SPAG16: variants seen among roughly 807,000 people sequenced by gnomAD.
The protein encoded by SPAG16 is sperm-associated antigen 16 protein.
In SPAG16, 86 loss-of-function variants were observed where a neutral mutation model predicts 80.4. The ratio of observed to expected loss-of-function variants is 1.07; its 90% CI spans 0.90 to 1.28. The LOEUF (loss-of-function observed/expected upper bound fraction) is 1.28, where lower values mean the gene tolerates loss of function less well. Ranked by LOEUF, SPAG16 falls within the 50% of genes most tolerant of loss-of-function variation. SPAG16 has a pLI of 0.00. For synonymous variants in SPAG16, 294 were observed against 265.9 expected (o/e 1.11, Z -1.03); for missense variants, 870 against 765.3 (o/e 1.14, Z -1.61).
chr2:213,606,521 T>A (rs2061266933), intron 10 of SPAG16, among the ~76,000 whole-genome samples: 1 of 152,218 alleles, frequency 6.6e-6, no homozygotes, highest in Non-Finnish European at 1.5e-5. Context: ...TACATATGCT[T>A]CTCTGACATT....
chr2:213,417,216 A>G (rs1439438829), intron 9 of SPAG16, among the ~76,000 whole-genome samples: 1 of 151,120 alleles, frequency 6.6e-6, no homozygotes, highest in South Asian at 2.1e-4. Flanking sequence ...ACACACACAC[A>G]CACACAATAC....
At chr2:214,127,347 C>T (rs2054543513) in intron 14 of SPAG16, among the ~76,000 whole-genome samples, 1 of 151,706 alleles carries the variant, frequency 6.6e-6, no homozygotes, top group African/African-American at 2.4e-5. Flanking sequence ...TGTTCAGTTT[C>T]TTATGTAAAT....
At chr2:213,472,001 A>G (rs1013784471) in intron 9 of SPAG16, among the ~76,000 whole-genome samples, 3 of 152,328 alleles carry the variant, frequency 2.0e-5, no homozygotes, top group South Asian at 2.1e-4. Flanking sequence ...ATCTTCTGGC[A>G]TGCAAATATA....
intron 11 of SPAG16, among the ~76,000 whole-genome samples, chr2:213,868,573 T>G (rs1387179515): frequency 6.6e-6 from 1 of 152,350 alleles, no homozygotes; most frequent in Non-Finnish European, 1.5e-5. Flanking sequence ...AGTAACATAA[T>G]TTTGAATGTA....
intron 15 of SPAG16, among the ~76,000 whole-genome samples, chr2:214,222,392 C>T (rs895169278): frequency 1.3e-5 from 2 of 152,150 alleles, no homozygotes; most frequent in African/African-American, 2.4e-5. Flanking sequence ...GCTGAGATTA[C>T]AGGCGTGAGC....
At chr2:213,409,179 T>A (rs1367016622) in intron 9 of SPAG16, among the ~76,000 whole-genome samples, 1 of 151,636 alleles carries the variant, frequency 6.6e-6, no homozygotes, top group African/African-American at 2.4e-5. Context: ...CGAAAAAATA[T>A]CTCTGAAAGT....
At chr2:214,023,193 A>G (rs2047966528) in intron 13 of SPAG16, among the ~76,000 whole-genome samples, 1 of 151,912 alleles carries the variant, frequency 6.6e-6, no homozygotes, top group African/African-American at 2.4e-5. Context: ...TTTTCCAAGT[A>G]ACTTCTCTCA....
chr2:213,784,762 T>C (rs1041067190), intron 10 of SPAG16, among the ~76,000 whole-genome samples: 3 of 151,794 alleles, frequency 2.0e-5, no homozygotes, highest in Non-Finnish European at 4.4e-5. Flanking sequence ...ACACCTCCAT[T>C]GTACTGGAAA....
intron 15 of SPAG16, among the ~76,000 whole-genome samples, chr2:214,379,355 G>T (rs1240797454): frequency 6.6e-6 from 1 of 152,158 alleles, no homozygotes; most frequent in Non-Finnish European, 1.5e-5. Flanking sequence ...GGAAATTTGA[G>T]AACTAAGGAA....
intron 10 of SPAG16, among the ~76,000 whole-genome samples, chr2:213,624,852 G>A (rs572112575): frequency 4.7e-4 from 71 of 152,050 alleles, no homozygotes; most frequent in African/African-American, 1.6e-3. Context: ...GTGCAATGGC[G>A]TGATCTCAGC....
intron 15 of SPAG16, among the ~76,000 whole-genome samples, chr2:214,339,879 T>A (rs73989434): frequency 0.064 from 9,692 of 152,152 alleles, 1,011 homozygotes; most frequent in African/African-American, 0.22. Context: ...ACTGAGTTAA[T>A]CTAAAAGGAG....
chr2:213,676,660 A>G (rs185379877), intron 10 of SPAG16, among the ~76,000 whole-genome samples: 12 of 151,860 alleles, frequency 7.9e-5, no homozygotes, highest in African/African-American at 2.4e-4. Context: ...TTTGTCTTTG[A>G]TTCTGCTTAT....
At chr2:214,360,841 G>C (rs189573562) in intron 15 of SPAG16, among the ~76,000 whole-genome samples, 1 of 151,926 alleles carries the variant, frequency 6.6e-6, no homozygotes, top group Non-Finnish European at 1.5e-5. Context: ...TCAAATAAGC[G>C]TCAATGGTTG....
At chr2:213,650,546 GA>G (rs1249048033) in intron 10 of SPAG16, among the ~76,000 whole-genome samples, 1 of 152,158 alleles carries the variant, frequency 6.6e-6, no homozygotes, top group Non-Finnish European at 1.5e-5. Context: ...ATAGGAAGGG[GA>G]AAAACAATAC....
intron 10 of SPAG16, among the ~76,000 whole-genome samples, chr2:213,841,758 C>G (rs946453814): frequency 1.7e-4 from 26 of 152,050 alleles, no homozygotes; most frequent in African/African-American, 6.0e-4. Context: ...CATTATTAGA[C>G]CTTCAAAACC....
At chr2:213,960,439 G>T (rs2044354722) in intron 12 of SPAG16, among the ~76,000 whole-genome samples, 1 of 151,408 alleles carries the variant, frequency 6.6e-6, no homozygotes, top group African/African-American at 2.4e-5. Context: ...TTTCTTTCTA[G>T]GCTTTGTGAT....
intron 10 of SPAG16, among the ~76,000 whole-genome samples, chr2:213,647,932 G>T (rs1239999310): frequency 3.9e-5 from 6 of 152,256 alleles, no homozygotes; most frequent in African/African-American, 1.4e-4. Context: ...CTCATAGGAG[G>T]TAGATGTGTT....
rs528844332 is a variant in SPAG16, at chr2:214,235,664, T to C, written c.1720+86398T>C. Reference sequence around the variant, plus strand: ...GGTGGGACAGAAGAATTGTCTGTGGTCGCCAAGGTTTTTTTTTAACAATTA... The same window carrying C: ...GGTGGGACAGAAGAATTGTCTGTGGCCGCCAAGGTTTTTTTTTAACAATTA... On this transcript the variant is annotated intron_variant, in intron 15 of 15. Coordinates refer to ENST00000331683, the MANE Select transcript of SPAG16 (RefSeq NM_024532.5). Among the ~76,000 whole-genome samples the C allele has an allele frequency of 2.0e-5, 3 of 152,280 alleles. No individual in the cohort carries two copies. The East Asian group carries it at 5.8e-4, about 29-fold the overall frequency.
intron 15 of SPAG16, among the ~76,000 whole-genome samples, chr2:214,283,189 CT>C (rs1197583980): frequency 6.6e-6 from 1 of 152,010 alleles, no homozygotes; most frequent in Non-Finnish European, 1.5e-5. Context: ...GGTTTACTGC[CT>C]GAGTAATTTG....
Sources: allele counts gnomAD v4.1 joint callset (sites outside exome capture counted in the v4.1 genomes callset), GRCh38; gene constraint gnomAD v4.1.1; transcripts MANE v1.5; gene names NCBI Gene and HGNC (gene_info 2026-07-23, HGNC 2026-07-21).